Variants in BCKDHB observed in about 807,000 individuals in gnomAD.
BCKDHB encodes branched chain keto acid dehydrogenase E1 subunit beta, also known as 2-oxoisovalerate dehydrogenase subunit beta, mitochondrial.
In BCKDHB, 41 loss-of-function variants were observed where a neutral mutation model predicts 48.5. The ratio of observed to expected loss-of-function variants is 0.85; its 90% CI spans 0.66 to 1.10. BCKDHB has a LOEUF of 1.10. Ranked by LOEUF, BCKDHB falls within the 50% of genes least tolerant of loss-of-function variation. The pLI, the probability that BCKDHB is intolerant of heterozygous loss-of-function variation, is 0.00. For missense variants in BCKDHB, 496 were observed against 494.2 expected (o/e 1.00, Z -0.03); for synonymous variants, 201 against 174.8 (o/e 1.15, Z -1.18).
the BCKDHB span, among the ~76,000 whole-genome samples, chr6:80,424,824 A>G: frequency 6.6e-6 from 1 of 152,152 alleles, no homozygotes; most frequent in Admixed American, 6.6e-5. Flanking sequence ...TGACAGGAGG[A>G]CTTTTCCTTT....
chr6:80,151,702 G>T (rs1771788234), intron 3 of BCKDHB, among the ~76,000 whole-genome samples: 2 of 152,108 alleles, frequency 1.3e-5, no homozygotes, highest in Admixed American at 1.3e-4. Context: ...AAAGGGGAAA[G>T]CTCATTTATT....
the BCKDHB span, among the ~76,000 whole-genome samples, chr6:80,390,735 T>A: frequency 6.6e-6 from 1 of 152,232 alleles, no homozygotes; most frequent in Non-Finnish European, 1.5e-5. Context: ...AGGAGATGTG[T>A]ATAGGTTCAA....
chr6:80,348,215 T>A (rs1343337386), downstream of BCKDHB, among the ~76,000 whole-genome samples: 1 of 151,430 alleles, frequency 6.6e-6, no homozygotes, highest in Non-Finnish European at 1.5e-5. Flanking sequence ...TGTGTATATT[T>A]AAAAAAAAAT....
At chr6:80,415,702 T>A in the BCKDHB span, among the ~76,000 whole-genome samples, 1 of 152,174 alleles carries the variant, frequency 6.6e-6, no homozygotes, top group Admixed American at 6.5e-5. Flanking sequence ...TTTGCATCAA[T>A]GTTCATTAAG....
chr6:80,147,860 G>C (rs1771565187), intron 3 of BCKDHB, among the ~76,000 whole-genome samples: 2 of 152,110 alleles, frequency 1.3e-5, no homozygotes, highest in Admixed American at 6.6e-5. Flanking sequence ...GGAAGGGATA[G>C]GTGATGAGGC....
the BCKDHB span, among the ~76,000 whole-genome samples, chr6:80,380,201 A>G: frequency 6.6e-6 from 1 of 152,110 alleles, no homozygotes; most frequent in East Asian, 1.9e-4. Context: ...ACAAGGCCAT[A>G]CTAATAAAAA....
chr6:80,278,099 GT>G (rs1361748857), intron 9 of BCKDHB, among the ~76,000 whole-genome samples: 1 of 152,102 alleles, frequency 6.6e-6, no homozygotes, highest in Non-Finnish European at 1.5e-5. Flanking sequence ...TAAAATTGCC[GT>G]GCTGGTAAAT....
At chr6:80,311,107 TG>T (rs1768133308) in intron 9 of BCKDHB, among the ~76,000 whole-genome samples, 2 of 152,218 alleles carry the variant, frequency 1.3e-5, no homozygotes, top group Admixed American at 1.3e-4. Flanking sequence ...TTTCCCGTGC[TG>T]TTCTCATGAT....
At chr6:80,341,100 A>G (rs1274274635) in intron 9 of BCKDHB, among the ~76,000 whole-genome samples, 3 of 152,184 alleles carry the variant, frequency 2.0e-5, no homozygotes, top group African/African-American at 4.8e-5. Context: ...ATATTCTTAA[A>G]AAGACTGATA....
At chr6:80,113,033 A>C (rs1045843534) in intron 1 of BCKDHB, among the ~76,000 whole-genome samples, 1 of 152,218 alleles carries the variant, frequency 6.6e-6, no homozygotes, top group Non-Finnish European at 1.5e-5. Flanking sequence ...GTCAGATAGA[A>C]TAGGAGAAAG....
chr6:80,391,098 G>GCC, the BCKDHB span, among the ~76,000 whole-genome samples: 1 of 152,050 alleles, frequency 6.6e-6, no homozygotes, highest in African/African-American at 2.4e-5. Flanking sequence ...CAGCCAAGCA[G>GCC]CCTCAAGCTT....
chr6:80,172,068 G>A (rs1447626390), intron 6 of BCKDHB, among the ~76,000 whole-genome samples: 1 of 152,084 alleles, frequency 6.6e-6, no homozygotes, highest in Non-Finnish European at 1.5e-5. Context: ...ATTGCCATCA[G>A]ATTAGGTGTA....
At chr6:80,264,312 A>G (rs562741931) in intron 8 of BCKDHB, among the ~76,000 whole-genome samples, 34 of 152,182 alleles carry the variant, frequency 2.2e-4, no homozygotes, top group Non-Finnish European at 4.1e-4. Flanking sequence ...GAATTTATAC[A>G]ACATTAAAAG....
rs143981823 is a variant in BCKDHB, at chr6:80,185,197, A to C, written c.742+13807A>C. Among the ~76,000 whole-genome samples the C allele has an allele frequency of 1.7e-3, 263 of 152,076 alleles. 1 individual carries two copies. Among genetic ancestry groups the C allele is most frequent in the African/African-American group, 6.0e-3 (249 of 41,500 alleles). On this transcript the variant is annotated intron_variant, in intron 6 of 9. Coordinates refer to ENST00000320393, the MANE Select transcript of BCKDHB (RefSeq NM_183050.4). ...TCTGAAGTTCTTTCTTCTACTTGTTATAGTCTATTGTTGAAACTTTGCAGT... is the reference window on the plus strand; with the variant it reads ...TCTGAAGTTCTTTCTTCTACTTGTTCTAGTCTATTGTTGAAACTTTGCAGT...
intron 9 of BCKDHB, among the ~76,000 whole-genome samples, chr6:80,281,470 A>G (rs1292559735): frequency 1.3e-5 from 2 of 152,180 alleles, no homozygotes; most frequent in Non-Finnish European, 2.9e-5. Context: ...CCTTGCATGT[A>G]GCAACTGGAA....
chr6:80,225,571 AG>A (rs1276577865), intron 8 of BCKDHB, among the ~76,000 whole-genome samples: 1 of 152,194 alleles, frequency 6.6e-6, no homozygotes, highest in Non-Finnish European at 1.5e-5. Flanking sequence ...AAGGTCACTT[AG>A]GTGCTTTTGT....
chr6:80,462,142 C>G, the BCKDHB span, among the ~76,000 whole-genome samples: 2 of 152,118 alleles, frequency 1.3e-5, no homozygotes, highest in Non-Finnish European at 2.9e-5. Flanking sequence ...CATATTGTCT[C>G]TTTTCAATTC....
intron 8 of BCKDHB, among the ~76,000 whole-genome samples, chr6:80,238,962 AGTGTATAT>A (rs1776265086): frequency 6.6e-6 from 1 of 152,142 alleles, no homozygotes; most frequent in Non-Finnish European, 1.5e-5. Flanking sequence ...AGTATTCCAT[AGTGTATAT>A]GTGCCACATT....
chr6:80,222,815 A>G (rs1330771150), intron 8 of BCKDHB, among the ~76,000 whole-genome samples: 3 of 152,228 alleles, frequency 2.0e-5, no homozygotes. Context: ...AGGTGCTACC[A>G]TAAACCCATG....
Sources: gnomAD v4.1 joint callset for allele counts (sites outside exome capture counted in the v4.1 genomes callset) on GRCh38, gnomAD v4.1.1 for gene constraint, MANE v1.5 for transcripts, NCBI Gene and HGNC (gene_info 2026-07-23, HGNC 2026-07-21) for gene names.